The following GRM1 variants were observed in gnomAD, a reference collection of about 807,000 sequenced individuals.
GRM1 encodes metabotropic glutamate receptor 1.
In GRM1, 33 loss-of-function variants were observed where a neutral mutation model predicts 90.9. That is an observed-to-expected ratio of 0.36 (90% confidence interval 0.28 to 0.49). GRM1 has a LOEUF of 0.49. Ranked by LOEUF, GRM1 falls within the 20% of genes least tolerant of loss-of-function variation. The probability of loss-of-function intolerance (pLI) is 0.99; values close to 1 mark genes in which losing one functional copy is unlikely to be tolerated. For missense variants in GRM1, 1,190 were observed against 1,534.3 expected (o/e 0.78, Z 3.75); for synonymous variants, 700 against 613.2 (o/e 1.14, Z -2.09).
intron 1 of GRM1, among the ~76,000 whole-genome samples, chr6:146,066,252 T>C (rs1775843597): frequency 6.6e-6 from 1 of 152,176 alleles, no homozygotes; most frequent in African/African-American, 2.4e-5. Context: ...CCCCAGTGTC[T>C]ATTATTCCCA....
At chr6:146,318,628 A>G (rs1011548011) in intron 3 of GRM1, among the ~76,000 whole-genome samples, 1 of 152,196 alleles carries the variant, frequency 6.6e-6, no homozygotes, top group Non-Finnish European at 1.5e-5. Context: ...CAACAATGTA[A>G]AAGTGTTCCT....
At chr6:146,121,424 G>A (rs184366359) in intron 1 of GRM1, among the ~76,000 whole-genome samples, 292 of 152,106 alleles carry the variant, frequency 1.9e-3, no homozygotes, top group African/African-American at 5.9e-3. Flanking sequence ...GGTTTTTTGT[G>A]TCTCTATCTC....
At chr6:146,305,275 A>G (rs1193095866) in intron 3 of GRM1, among the ~76,000 whole-genome samples, 2 of 152,084 alleles carry the variant, frequency 1.3e-5, no homozygotes, top group African/African-American at 4.8e-5. Flanking sequence ...AAGCCACACG[A>G]CCAACAAAAG....
At chr6:146,124,546 A>T (rs1056487905) in intron 1 of GRM1, among the ~76,000 whole-genome samples, 1 of 152,206 alleles carries the variant, frequency 6.6e-6, no homozygotes, top group East Asian at 1.9e-4. Context: ...TATCACAGAT[A>T]TAAGGTGATA....
intron 2 of GRM1, among the ~76,000 whole-genome samples, chr6:146,276,929 C>T (rs968556806): frequency 6.6e-6 from 1 of 151,980 alleles, no homozygotes; most frequent in Non-Finnish European, 1.5e-5. Flanking sequence ...AGTGATACCC[C>T]CATCTCTACA....
At position 146,203,623 on chromosome 6, in the gene GRM1, A is replaced by G. The variant is rs1426899352; in HGVS notation, c.950+44026A>G. On this transcript the variant is annotated intron_variant, in intron 2 of 7. Transcript: ENST00000282753. Reference sequence around the variant, plus strand: ...CTTTTGTGAACCTCCAGCTTTCTCTACCATGGCCAGACTTGTGACTCAGTG... The same window carrying G: ...CTTTTGTGAACCTCCAGCTTTCTCTGCCATGGCCAGACTTGTGACTCAGTG... Among the ~76,000 whole-genome samples, 7 of 152,122 alleles carry G rather than the reference A, an allele frequency of 4.6e-5. No homozygotes were observed. In the South Asian group the frequency reaches 8.3e-4, roughly 18 times the overall value.
intron 7 of GRM1, chr6:146,426,763 A>G (rs1380559193): frequency 4.7e-6 from 3 of 638,112 alleles, no homozygotes; most frequent in Non-Finnish European, 8.6e-6. Flanking sequence ...GAATTCATTT[A>G]CGTGCCATGG....
At chr6:146,210,642 C>T (rs1403202281) in intron 2 of GRM1, among the ~76,000 whole-genome samples, 1 of 152,078 alleles carries the variant, frequency 6.6e-6, no homozygotes, top group African/African-American at 2.4e-5. Context: ...GGAGCCTGCC[C>T]ATGACACTGT....
At chr6:146,139,933 T>TCCCTTCCCCTGCCCTCCCCTC (rs1776781034) in intron 1 of GRM1, among the ~76,000 whole-genome samples, 1 of 34,928 alleles carries the variant, frequency 2.9e-5, no homozygotes, top group African/African-American at 1.2e-4. Context: ...TCCCCTCCCC[T>TCCCTTCCCCTGCCCTCCCCTC]CCCTTCCCCT....
chr6:146,067,194 A>G (rs926939304), intron 1 of GRM1, among the ~76,000 whole-genome samples: 1 of 152,224 alleles, frequency 6.6e-6, no homozygotes, highest in African/African-American at 2.4e-5. Flanking sequence ...CGTTAGCAAA[A>G]TAACTAAATT....
At chr6:146,342,217 A>C (rs1035142814) in intron 3 of GRM1, among the ~76,000 whole-genome samples, 1 of 152,216 alleles carries the variant, frequency 6.6e-6, no homozygotes, top group African/African-American at 2.4e-5. Context: ...TCCTCTATGC[A>C]GTGATGAACA....
chr6:146,165,285 A>G (rs956634675), intron 2 of GRM1, among the ~76,000 whole-genome samples: 2 of 152,110 alleles, frequency 1.3e-5, no homozygotes, highest in Non-Finnish European at 1.5e-5. Context: ...CAGAACACAC[A>G]TTTGGGAAAG....
intron 2 of GRM1, among the ~76,000 whole-genome samples, chr6:146,248,804 G>A (rs552746430): frequency 6.6e-6 from 1 of 152,298 alleles, no homozygotes; most frequent in East Asian, 1.9e-4. Context: ...TTGTTGAATG[G>A]TTTTGACCAA....
intron 2 of GRM1, among the ~76,000 whole-genome samples, chr6:146,256,912 C>T (rs889854114): frequency 1.3e-5 from 2 of 152,158 alleles, no homozygotes; most frequent in East Asian, 1.9e-4. Flanking sequence ...TCTACTGCAA[C>T]GTCTAATTTC....
intron 1 of GRM1, among the ~76,000 whole-genome samples, chr6:146,120,396 G>T (rs568124182): frequency 4.1e-4 from 62 of 152,216 alleles, no homozygotes; most frequent in Middle Eastern, 3.4e-3. Flanking sequence ...GGGACAATTT[G>T]ACTTCCTCTT....
chr6:146,315,059 G>A (rs1184290004), intron 3 of GRM1, among the ~76,000 whole-genome samples: 4 of 152,086 alleles, frequency 2.6e-5, no homozygotes, highest in African/African-American at 7.2e-5. Flanking sequence ...ATGTCTCTAG[G>A]CCACAGTAAT....
At chr6:146,036,854 C>T (rs1022234443) in intron 1 of GRM1, among the ~76,000 whole-genome samples, 2 of 151,668 alleles carry the variant, frequency 1.3e-5, no homozygotes, top group African/African-American at 4.8e-5. Flanking sequence ...TAAATAAACA[C>T]GTGACTATTA....
chr6:146,341,972 C>CT lies in GRM1; in HGVS notation c.1187-10272dup, dbSNP rs1465262635. 5.3e-5 allele frequency among the ~76,000 whole-genome samples: 8 copies of CT among 152,246 alleles called. No homozygotes were observed. The Middle Eastern group carries it at 0.01, about 194-fold the overall frequency. On this transcript the variant is annotated intron_variant, in intron 3 of 7. Coordinates refer to ENST00000282753, the MANE Select transcript of GRM1 (RefSeq NM_001278064.2). ...CATTTAATTAGAGTCTTAAGTTAAC[C>CT]TTTTTTGTGTATTTACCCCTAGAAG...
intron 6 of GRM1, among the ~76,000 whole-genome samples, chr6:146,397,484 G>GAAAAAAAAAAAA (rs577471775): frequency 6.0e-4 from 27 of 44,964 alleles, no homozygotes; most frequent in Admixed American, 1.1e-3. Context: ...AAAAAAAAAA[G>GAAAAAAAAAAAA]AAAAAAAAAA....
Sources: gnomAD v4.1 joint callset for allele counts (sites outside exome capture counted in the v4.1 genomes callset) on GRCh38, gnomAD v4.1.1 for gene constraint, MANE v1.5 for transcripts, NCBI Gene and HGNC (gene_info 2026-07-23, HGNC 2026-07-21) for gene names.